FRMD3: variants seen among roughly 807,000 people sequenced by gnomAD.
The protein encoded by FRMD3 is FERM domain containing 3.
In FRMD3, 33 loss-of-function variants were observed where a neutral mutation model predicts 70.2. The ratio of observed to expected loss-of-function variants is 0.47; its 90% CI spans 0.36 to 0.63. FRMD3 has a LOEUF of 0.63. Ranked by LOEUF, FRMD3 falls within the 20% of genes least tolerant of loss-of-function variation. FRMD3 has a pLI of 0.00. For missense variants in FRMD3, 632 were observed against 711.4 expected (o/e 0.89, Z 1.27); for synonymous variants, 279 against 255.9 (o/e 1.09, Z -0.86).
At position 83,538,309 on chromosome 9, in the gene FRMD3, G is replaced by A. The variant is rs1377899574; in HGVS notation, c.-78C>T. The A allele has an allele frequency of 5.6e-6, 8 of 1,439,054 alleles. No homozygotes were observed. In the Admixed American group the frequency reaches 1.1e-4, roughly 19 times the overall value. 89.1% of individuals were successfully genotyped at this position (1,439,054 alleles called of 1,614,324 possible). A position where few individuals can be genotyped will look rare whatever the true frequency, so the allele number is the denominator to read the frequency against. ...CCTGCGCGGACACACACGCTCGCAC[G>A]CACTGTCCGGGACACCTGGGCGCGG... On this transcript the variant is annotated 5_prime_UTR_variant, in exon 1 of 14. Coordinates refer to ENST00000304195, the MANE Select transcript of FRMD3 (RefSeq NM_174938.6). This position sits in a 1 kb window ranked among gnomAD's most constrained non-coding sequence, Gnocchi z 4.7.
chr9:83,412,438 C>G (rs796362522), intron 1 of FRMD3, among the ~76,000 whole-genome samples: 4 of 152,224 alleles, frequency 2.6e-5, no homozygotes, highest in Non-Finnish European at 5.9e-5. Context: ...AGTTTCTTTA[C>G]AGAAGATATT....
intron 5 of FRMD3, among the ~76,000 whole-genome samples, chr9:83,342,042 C>CGT (rs1564024659): frequency 1.2e-4 from 7 of 59,412 alleles, no homozygotes; most frequent in Non-Finnish European, 2.0e-4. Flanking sequence ...TTGACATAGT[C>CGT]ATCTCTCTCT....
intron 13 of FRMD3, among the ~76,000 whole-genome samples, chr9:83,265,623 C>T (rs1833222367): frequency 6.6e-6 from 1 of 152,032 alleles, no homozygotes; most frequent in African/African-American, 2.4e-5. Flanking sequence ...AATGAAAATA[C>T]ACAATTATTT....
intron 1 of FRMD3, among the ~76,000 whole-genome samples, chr9:83,523,899 A>G (rs1829632602): frequency 6.6e-6 from 1 of 152,360 alleles, no homozygotes; most frequent in African/African-American, 2.4e-5. Flanking sequence ...GACCCTCAGC[A>G]GAAATACTTC....
chr9:83,546,890 CA>C, the FRMD3 span, among the ~76,000 whole-genome samples: 32 of 64,128 alleles, frequency 5.0e-4, no homozygotes, highest in African/African-American at 6.9e-4. Context: ...GACTCTGTCT[CA>C]AAAAAAAAAA....
At chr9:83,415,880 T>C (rs914404286) in intron 1 of FRMD3, among the ~76,000 whole-genome samples, 1 of 152,196 alleles carries the variant, frequency 6.6e-6, no homozygotes, top group African/African-American at 2.4e-5. Flanking sequence ...ATGCCCTGCA[T>C]AATTTGTTTT....
intron 1 of FRMD3, among the ~76,000 whole-genome samples, chr9:83,446,361 C>G (rs1195359031): frequency 5.3e-5 from 8 of 152,132 alleles, no homozygotes; most frequent in African/African-American, 1.4e-4. Flanking sequence ...ATGAAAACCT[C>G]TGTTGGCCGG....
intron 13 of FRMD3, among the ~76,000 whole-genome samples, chr9:83,278,239 G>A (rs954365308): frequency 2.6e-5 from 4 of 152,168 alleles, no homozygotes; most frequent in South Asian, 2.1e-4. Flanking sequence ...AAGGGAGAAC[G>A]GGAAACAGTC....
chr9:83,461,665 CTTTTTTTTTTTTTTTTTTTTTTTTTTT>C (rs200147815), intron 1 of FRMD3, among the ~76,000 whole-genome samples: 16 of 70,690 alleles, frequency 2.3e-4, no homozygotes, highest in Admixed American at 9.0e-4. Flanking sequence ...AGGAATTTCC[CTTTTTTTTTTTTTTTTTTTTTTTTTTT>C]TTTTTTTTTT....
At chr9:83,398,197 T>C (rs1389460427) in intron 1 of FRMD3, among the ~76,000 whole-genome samples, 2 of 152,186 alleles carry the variant, frequency 1.3e-5, no homozygotes, top group East Asian at 3.9e-4. Context: ...AAAAACTGCA[T>C]CTCTTTAATA....
chr9:83,553,760 T>A, the FRMD3 span, among the ~76,000 whole-genome samples: 1 of 152,300 alleles, frequency 6.6e-6, no homozygotes. Context: ...CTGTACCACT[T>A]TATTGTGATT....
the FRMD3 span, among the ~76,000 whole-genome samples, chr9:83,543,771 C>T: frequency 1.3e-5 from 2 of 152,184 alleles, no homozygotes; most frequent in Non-Finnish European, 2.9e-5. Flanking sequence ...GAGAGCTCCC[C>T]ACTTCTGTGC....
chr9:83,310,518 C>T lies in FRMD3; in HGVS notation c.804G>A (p.Gly268=). 6.2e-7 allele frequency: 1 copy of T among 1,602,840 alleles called. No homozygotes were observed. Among genetic ancestry groups the T allele is most frequent in the South Asian group, 1.1e-5 (1 of 88,274 alleles). Residue 268 remains glycine (G), a synonymous_variant, in exon 9 of 14, where the codon GGG becomes GGA. Transcript: ENST00000304195. Reference sequence around the variant, plus strand: ...GGGTGCCAATCACATAAAATGTCTTCCCTTCAAACTTCAATTTGCAGACAT... The same window carrying T: ...GGGTGCCAATCACATAAAATGTCTTTCCTTCAAACTTCAATTTGCAGACAT... ...WPDVCKLKFE[G]KTFYVIGTQK...
upstream of FRMD3, among the ~76,000 whole-genome samples, chr9:83,539,064 A>G (rs550566562): frequency 6.6e-6 from 1 of 152,312 alleles, no homozygotes; most frequent in East Asian, 1.9e-4. Flanking sequence ...AAATCTCCCA[A>G]CATCTTAGTG....
chr9:83,284,237 A>T (rs865894535), intron 13 of FRMD3, among the ~76,000 whole-genome samples: 1 of 152,130 alleles, frequency 6.6e-6, no homozygotes, highest in Admixed American at 6.5e-5. Flanking sequence ...AGCAGGAACC[A>T]TAAGGGGAAA....
chr9:83,476,649 A>C lies in FRMD3; in HGVS notation c.147+61436T>G, dbSNP rs913160783. Among the ~76,000 whole-genome samples the C allele has an allele frequency of 3.3e-5, 5 of 152,198 alleles. No homozygotes were observed. In the South Asian group the frequency reaches 1.0e-3, roughly 32 times the overall value. On this transcript the variant is annotated intron_variant, in intron 1 of 13. Coordinates refer to ENST00000304195, the MANE Select transcript of FRMD3 (RefSeq NM_174938.6). ...GAATGGCTGAGGCCACCATGGGAAA[A>C]TGTACCGCAGGAAAGAAGGGTCAAT...
At position 83,274,596 on chromosome 9, in the gene FRMD3, G is replaced by A. The variant is rs184544099; in HGVS notation, c.1195+16007C>T. Among the ~76,000 whole-genome samples the A allele has an allele frequency of 1.8e-3, 268 of 152,312 alleles. 1 individual carries two copies. The highest frequency in any genetic ancestry group is 3.3e-3 in the Admixed American group (51 of 15,294). On this transcript the variant is annotated intron_variant, in intron 13 of 13. Coordinates refer to ENST00000304195, the MANE Select transcript of FRMD3 (RefSeq NM_174938.6). ...GAATTGGCACAGACAGGTGGTGCTG[G>A]AAGGAGAAGCTTTGTCTGAGAGAGA... is the stretch of plus-strand genomic sequence containing the variant.
intron 1 of FRMD3, among the ~76,000 whole-genome samples, chr9:83,469,878 G>A (rs2131456556): frequency 6.6e-6 from 1 of 152,340 alleles, no homozygotes; most frequent in African/African-American, 2.4e-5. Context: ...GCCCGCAGGA[G>A]CAGCTGCTGG....
chr9:83,475,122 G>T (rs1005349742), intron 1 of FRMD3, among the ~76,000 whole-genome samples: 2 of 151,906 alleles, frequency 1.3e-5, no homozygotes, highest in African/African-American at 2.4e-5. Context: ...AAAATTACCG[G>T]GCATACCAAG....
Sources: gnomAD v4.1 joint callset for allele counts (sites outside exome capture counted in the v4.1 genomes callset) on GRCh38, gnomAD v4.1.1 for gene constraint, Gnocchi (gnomAD v3.1) non-coding constraint, MANE v1.5 for transcripts, NCBI Gene and HGNC (gene_info 2026-07-23, HGNC 2026-07-21) for gene names.